DYNC2H1: variants seen among roughly 807,000 people sequenced by gnomAD.
DYNC2H1 encodes cytoplasmic dynein 2 heavy chain 1.
In DYNC2H1, 410 loss-of-function variants were observed where a neutral mutation model predicts 570.0. The observed-to-expected ratio is 0.72, with a 90% confidence interval of 0.66 to 0.78. The LOEUF (loss-of-function observed/expected upper bound fraction) is 0.78. Ranked by LOEUF, DYNC2H1 falls within the 30% of genes least tolerant of loss-of-function variation. The pLI is 0.00. For missense variants in DYNC2H1, 4,865 were observed against 5,046.4 expected (o/e 0.96, Z 1.09); for synonymous variants, 1,688 against 1,677.6 (o/e 1.01, Z -0.15).
intron 83 of DYNC2H1, among the ~76,000 whole-genome samples, chr11:103,381,623 A>G (rs1410754533): frequency 6.6e-6 from 1 of 151,948 alleles, no homozygotes; most frequent in Non-Finnish European, 1.5e-5. Flanking sequence ...TAATTTTTGT[A>G]TTTTTAGTAG....
chr11:103,444,079 T>C (rs540843649), intron 85 of DYNC2H1, among the ~76,000 whole-genome samples: 455 of 151,932 alleles, frequency 3.0e-3, no homozygotes, highest in Non-Finnish European at 5.0e-3. Flanking sequence ...TTGATACATA[T>C]ATTTTTGTAT....
At chr11:103,405,362 C>T (rs1452528968) in intron 84 of DYNC2H1, 1 of 151,852 alleles carries the variant, frequency 6.6e-6, no homozygotes, top group Non-Finnish European at 1.5e-5. Context: ...AAGTTAATGG[C>T]TCCTAAAATA....
Position 103,461,303 on chromosome 11 carries a change from G to GT in DYNC2H1, c.12648+4955dup, listed in dbSNP as rs141358615. On this transcript the variant is annotated intron_variant, in intron 87 of 88. Transcript: ENST00000375735. This position sits in a 1 kb window ranked among gnomAD's most constrained non-coding sequence, Gnocchi z 4.8. ...TTTTACTATCACTATAATTTTATTAGTTTTTTTTAAAATCTCTATCACCAT... is the reference window on the plus strand; with the variant it reads ...TTTTACTATCACTATAATTTTATTAGTTTTTTTTTAAAATCTCTATCACCAT... Among the ~76,000 whole-genome samples, 23,165 of 151,694 alleles carry GT rather than the reference G, an allele frequency of 0.15. 1,908 individuals are homozygous for GT. The highest frequency in any genetic ancestry group is 0.24 in the Admixed American group (3,649 of 15,218).
Position 103,321,152 on chromosome 11 carries a change from C to T in DYNC2H1, c.11849C>T (p.Ser3950Phe). The stretch of plus-strand genomic sequence containing the variant: ...TCATACCTGAAGCAGTTTTTTAATT[C>T]TTCAGTTATTGATGTATTCAACCAA... ...LQSYLKQFFN[S>F]SVIDVFNQRN... is the part of the protein sequence containing the mutation. The change falls in exon 81 of 89, where the codon TCT becomes TTT. Residue 3950 changes from serine to phenylalanine, a missense_variant. Ser to Phe is a radical substitution (Grantham distance 155, BLOSUM62 -2). Around this residue, in one of 5 missense-constraint regions of DYNC2H1, gnomAD observed 2,401 missense variants for 2,454.6 expected, o/e 0.98. Coordinates refer to ENST00000375735, the MANE Select transcript of DYNC2H1 (RefSeq NM_001377.3). 1 of 1,611,858 alleles carries T rather than the reference C, an allele frequency of 6.2e-7. No homozygotes were observed. Among genetic ancestry groups the T allele is most frequent in the Non-Finnish European group, 8.5e-7 (1 of 1,178,834 alleles).
intron 65 of DYNC2H1, among the ~76,000 whole-genome samples, chr11:103,251,413 A>G (rs1328265364): frequency 6.6e-6 from 1 of 152,056 alleles, no homozygotes; most frequent in East Asian, 1.9e-4. Flanking sequence ...TTTAAAAAAT[A>G]TTTTATTGTG....
At chr11:103,389,240 G>A (rs1216353933) in intron 83 of DYNC2H1, among the ~76,000 whole-genome samples, 1 of 152,184 alleles carries the variant, frequency 6.6e-6, no homozygotes, top group African/African-American at 2.4e-5. Context: ...GAGGGTGTAT[G>A]TGTCGAGGAA....
chr11:103,391,767 G>A (rs1174065320), intron 83 of DYNC2H1, among the ~76,000 whole-genome samples: 2 of 152,332 alleles, frequency 1.3e-5, no homozygotes, highest in African/African-American at 4.8e-5. Flanking sequence ...GTCCGCTCCA[G>A]ACCCTGTTTG....
rs759964901 is a variant in DYNC2H1, at chr11:103,307,796, A to G, written c.11458A>G (p.Ile3820Val). Residue 3820 changes from isoleucine (I) to valine (V), a missense_variant, in exon 78 of 89, where the codon ATT (isoleucine) becomes GTT (valine). Physicochemically the swap from Ile to Val is conservative, Grantham distance 29. Coordinates refer to ENST00000375735, the MANE Select transcript of DYNC2H1 (RefSeq NM_001377.3). ...TAEVHPNFTP[I>V]LLQSSLKITY... Reference sequence around the variant, plus strand: ...AGAAGTTCATCCCAACTTTACTCCTATTTTACTACAGTCAAGTCTGAAGAT... The same window carrying G: ...AGAAGTTCATCCCAACTTTACTCCTGTTTTACTACAGTCAAGTCTGAAGAT... 1 of 1,603,478 alleles carries G rather than the reference A, an allele frequency of 6.2e-7. No individual in the cohort carries two copies. The highest frequency in any genetic ancestry group is 1.7e-5 in the Admixed American group (1 of 59,096).
At chr11:103,260,175 G>T (rs1263659177) in intron 70 of DYNC2H1, among the ~76,000 whole-genome samples, 198 bp downstream of exon 70, 1 of 152,104 alleles carries the variant, frequency 6.6e-6, no homozygotes, top group African/African-American at 2.4e-5. Flanking sequence ...AGTGAAGAAG[G>T]GACAGCAAAC....
intron 55 of DYNC2H1, among the ~76,000 whole-genome samples, chr11:103,218,430 A>G (rs1043889636): frequency 7.2e-5 from 11 of 152,172 alleles, no homozygotes; most frequent in Non-Finnish European, 1.2e-4. Context: ...AAACTTTAAC[A>G]TATTTTTTTC....
chr11:103,429,777 T>C (rs1943821862), intron 84 of DYNC2H1, among the ~76,000 whole-genome samples: 1 of 152,236 alleles, frequency 6.6e-6, no homozygotes, highest in South Asian at 2.1e-4. Context: ...TTAAATTGTA[T>C]CTATTGTTAA....
chr11:103,130,401 C>T (rs559509730), intron 13 of DYNC2H1, among the ~76,000 whole-genome samples: 3 of 152,292 alleles, frequency 2.0e-5, no homozygotes, highest in South Asian at 4.1e-4. Context: ...TAACTCTTTT[C>T]TGCACACTAG....
chr11:103,456,905 TA>T (rs1944808025), intron 87 of DYNC2H1, among the ~76,000 whole-genome samples: 1 of 152,246 alleles, frequency 6.6e-6, no homozygotes, highest in Non-Finnish European at 1.5e-5. Flanking sequence ...GGTATATGTA[TA>T]AAATGTATAT....
At chr11:103,155,686 AG>A (rs1209549699) in intron 25 of DYNC2H1, among the ~76,000 whole-genome samples, 185 bp downstream of exon 25, 1 of 152,196 alleles carries the variant, frequency 6.6e-6, no homozygotes, top group African/African-American at 2.4e-5. Flanking sequence ...TACACATAAA[AG>A]CTAGAGGATA....
chr11:103,136,770 T>C (rs1249680336), intron 17 of DYNC2H1, among the ~76,000 whole-genome samples: 1 of 152,192 alleles, frequency 6.6e-6, no homozygotes, highest in African/African-American at 2.4e-5. Context: ...CAAATGGTAT[T>C]TCTAGTTCTA....
chr11:103,433,671 C>T (rs369027871), intron 84 of DYNC2H1, among the ~76,000 whole-genome samples: 5 of 152,098 alleles, frequency 3.3e-5, no homozygotes, highest in Non-Finnish European at 5.9e-5. Context: ...AAAATACAAC[C>T]GTCTCCTCCC....
intron 70 of DYNC2H1, among the ~76,000 whole-genome samples, chr11:103,269,731 T>C (rs1000233362): frequency 6.6e-6 from 1 of 152,240 alleles, no homozygotes; most frequent in Admixed American, 6.5e-5. Flanking sequence ...CAGACAATTA[T>C]AGGATAAATT....
chr11:103,208,690 GATCCATC>G (rs1863032309), intron 52 of DYNC2H1, among the ~76,000 whole-genome samples: 1 of 152,014 alleles, frequency 6.6e-6, no homozygotes, highest in Admixed American at 6.6e-5. Context: ...GGGTTGATAG[GATCCATC>G]AGTTTTGGAT....
At position 103,239,759 on chromosome 11, in the gene DYNC2H1, G is replaced by A. The variant is rs931010964; in HGVS notation, c.9819+3220G>A. Reference sequence around the variant, plus strand: ...TAGGCTTTAGTTTTATTTATAAAATGTTTTTGCATTTGTCCCATTTATAAG... The same window carrying A: ...TAGGCTTTAGTTTTATTTATAAAATATTTTTGCATTTGTCCCATTTATAAG... On this transcript the variant is annotated intron_variant, in intron 63 of 88. Transcript: ENST00000375735. The surrounding 1 kb of genome is among the most constrained non-coding windows in gnomAD (Gnocchi z 4.3). Among the ~76,000 whole-genome samples the A allele has an allele frequency of 1.8e-4, 27 of 151,802 alleles. No individual in the cohort carries two copies. The highest frequency in any genetic ancestry group is 6.3e-4 in the African/African-American group (26 of 41,338).
Sources: gnomAD v4.1 joint callset for allele counts (sites outside exome capture counted in the v4.1 genomes callset) on GRCh38, gnomAD v4.1.1 for gene constraint, gnomAD v4.1.1 regional missense constraint, Gnocchi (gnomAD v3.1) non-coding constraint, MANE v1.5 for transcripts, NCBI Gene and HGNC (gene_info 2026-07-23, HGNC 2026-07-21) for gene names.